The following CAST variants were observed in gnomAD, a reference collection of about 807,000 sequenced individuals.
The protein encoded by CAST is MIR583 host.
CAST carries 76 observed loss-of-function variants against 119.6 expected under a neutral mutation model. The observed-to-expected ratio is 0.64, with a 90% CI of 0.53 to 0.77. The LOEUF is 0.77. Ranked by LOEUF, CAST falls within the 30% of genes least tolerant of loss-of-function variation. The probability of loss-of-function intolerance (pLI) is 0.00; values close to 1 mark genes in which losing one functional copy is unlikely to be tolerated. For missense variants in CAST, 953 were observed against 946.5 expected (o/e 1.01, Z -0.09); for synonymous variants, 319 against 331.6 (o/e 0.96, Z 0.41).
the CAST span, among the ~76,000 whole-genome samples, chr5:96,074,266 T>C: frequency 6.6e-6 from 1 of 152,234 alleles, no homozygotes; most frequent in African/African-American, 2.4e-5. Context: ...GCCTGGATAA[T>C]GTTCCTTCAA....
chr5:96,523,292 G>T (rs1745546228), upstream of CAST, among the ~76,000 whole-genome samples: 1 of 152,212 alleles, frequency 6.6e-6, no homozygotes, highest in Admixed American at 6.5e-5. Flanking sequence ...TCCCCATAGG[G>T]ATGCCATGCA....
chr5:96,271,799 A>G, the CAST span, among the ~76,000 whole-genome samples: 1 of 152,336 alleles, frequency 6.6e-6, no homozygotes, highest in South Asian at 2.1e-4. Flanking sequence ...AGCAAAGGAA[A>G]CAATTAACAA....
chr5:96,123,892 C>T, the CAST span, among the ~76,000 whole-genome samples: 48 of 151,670 alleles, frequency 3.2e-4, no homozygotes, highest in Non-Finnish European at 6.5e-4. Flanking sequence ...ATTTTTTTTC[C>T]CCCTGCTTTG....
the CAST span, among the ~76,000 whole-genome samples, chr5:96,231,985 G>A: frequency 2.0e-5 from 3 of 152,016 alleles, no homozygotes; most frequent in African/African-American, 7.2e-5. Context: ...GGGGAGAAAG[G>A]GGTGCCAATA....
the CAST span, among the ~76,000 whole-genome samples, chr5:96,456,972 A>G: frequency 1.3e-5 from 2 of 152,160 alleles, no homozygotes; most frequent in African/African-American, 4.8e-5. Flanking sequence ...TTCTGCCATG[A>G]TTGTAAGTTT....
chr5:96,617,331 A>T (rs1158848458), intron 1 of CAST, among the ~76,000 whole-genome samples: 1 of 152,146 alleles, frequency 6.6e-6, no homozygotes, highest in African/African-American at 2.4e-5. Context: ...CCCAACAAAA[A>T]TGGCGATTAT....
intron 1 of CAST, among the ~76,000 whole-genome samples, chr5:96,672,291 G>A (rs1750171176): frequency 6.6e-6 from 1 of 151,918 alleles, no homozygotes. Context: ...ATGCAAATAG[G>A]GCAAAATATG....
At chr5:96,224,557 G>A in the CAST span, among the ~76,000 whole-genome samples, 6 of 152,108 alleles carry the variant, frequency 3.9e-5, no homozygotes, top group Non-Finnish European at 5.9e-5. Context: ...AGATGGGACT[G>A]ATGAAGCCAC....
At chr5:96,430,310 T>G in the CAST span, among the ~76,000 whole-genome samples, 5 of 152,360 alleles carry the variant, frequency 3.3e-5, 1 homozygote, top group South Asian at 1.0e-3. Context: ...TAACCCTGCA[T>G]TTTTAAAATT....
the CAST span, among the ~76,000 whole-genome samples, chr5:96,134,888 A>T: frequency 6.6e-6 from 1 of 152,224 alleles, no homozygotes; most frequent in African/African-American, 2.4e-5. Context: ...AGCCTGTGGT[A>T]AGTGGGGACA....
At chr5:96,375,136 G>C in the CAST span, among the ~76,000 whole-genome samples, 2 of 152,090 alleles carry the variant, frequency 1.3e-5, no homozygotes, top group Non-Finnish European at 2.9e-5. Context: ...AGTAACAGAG[G>C]GGCAGTTTAA....
At chr5:96,450,641 T>C in the CAST span, among the ~76,000 whole-genome samples, 1 of 152,222 alleles carries the variant, frequency 6.6e-6, no homozygotes, top group Non-Finnish European at 1.5e-5. Context: ...AGATATACAA[T>C]TCCACATCAG....
In CAST at chr5:96,668,150, G is replaced by GCA. The variant is rs10534655; in HGVS notation, c.75+5675_75+5676dup. Among the ~76,000 whole-genome samples the GCA allele has an allele frequency of 5.8e-3, 872 of 149,710 alleles. 17 individuals are homozygous for GCA. Among genetic ancestry groups the GCA allele is most frequent in the South Asian group, 0.045 (213 of 4,772 alleles). On this transcript the variant is annotated intron_variant, in intron 1 of 31. Coordinates refer to ENST00000675179, the MANE Select transcript of CAST (RefSeq NM_001750.7). The stretch of plus-strand genomic sequence containing the variant: ...CACAGCTACCAGCACAGACACGCGT[G>GCA]CACACACACACACACACACACACCC...
the CAST span, among the ~76,000 whole-genome samples, chr5:96,294,674 A>G: frequency 9.2e-5 from 14 of 152,230 alleles, no homozygotes; most frequent in Non-Finnish European, 1.8e-4. Context: ...TGATATGTTT[A>G]TATACATTTT....
chr5:96,425,728 TAAA>T, the CAST span: 476 of 652,240 alleles, frequency 7.3e-4, no homozygotes, highest in African/African-American at 1.9e-3. Flanking sequence ...TTCTCCATCA[TAAA>T]AAAAAAAAAA....
chr5:96,727,067 A>G (rs923097935), intron 5 of CAST, among the ~76,000 whole-genome samples: 6 of 152,134 alleles, frequency 3.9e-5, no homozygotes, highest in Non-Finnish European at 5.9e-5. Flanking sequence ...TCACCATCCC[A>G]TTGTTTTACA....
At chr5:96,003,632 A>C in the CAST span, among the ~76,000 whole-genome samples, 1 of 152,178 alleles carries the variant, frequency 6.6e-6, no homozygotes, top group Non-Finnish European at 1.5e-5. Context: ...AAAAAATTAC[A>C]AGTATCTTAG....
At chr5:96,025,349 G>A in the CAST span, among the ~76,000 whole-genome samples, 2 of 152,022 alleles carry the variant, frequency 1.3e-5, no homozygotes, top group Admixed American at 6.6e-5. Context: ...GTCCTTTCAT[G>A]TCTTTTCTTA....
At chr5:95,963,275 A>G in the CAST span, among the ~76,000 whole-genome samples, 1 of 152,198 alleles carries the variant, frequency 6.6e-6, no homozygotes, top group Non-Finnish European at 1.5e-5. Context: ...CCATGATTCC[A>G]TGTCCTCCCC....
Sources: allele counts gnomAD v4.1 joint callset (sites outside exome capture counted in the v4.1 genomes callset), GRCh38; gene constraint gnomAD v4.1.1; transcripts MANE v1.5; gene names NCBI Gene and HGNC (gene_info 2026-07-23, HGNC 2026-07-21).